Variants in P4HA2 observed in about 807,000 individuals in gnomAD.
The protein encoded by P4HA2 is prolyl 4-hydroxylase subunit alpha 2.
P4HA2 carries 46 observed loss-of-function variants against 76.9 expected under a neutral mutation model. That is an observed-to-expected ratio of 0.60 (90% CI 0.47 to 0.76). P4HA2 has a LOEUF of 0.76. Ranked by LOEUF, P4HA2 falls within the 30% of genes least tolerant of loss-of-function variation. The pLI, the probability that P4HA2 is intolerant of heterozygous loss-of-function variation, is 0.00. For missense variants in P4HA2, 583 were observed against 669.4 expected (o/e 0.87, Z 1.42); for synonymous variants, 243 against 254.0 (o/e 0.96, Z 0.41).
chr5:132,220,616 C>A (rs7733814), intron 1 of P4HA2, among the ~76,000 whole-genome samples: 1 of 152,176 alleles, frequency 6.6e-6, no homozygotes, highest in Non-Finnish European at 1.5e-5. Context: ...CTATCATCTA[C>A]GGTTCATACC....
At chr5:132,216,162 CAAAAAAAA>C (rs5871448) in intron 4 of P4HA2, among the ~76,000 whole-genome samples, 9 of 63,168 alleles carry the variant, frequency 1.4e-4, no homozygotes, top group Admixed American at 1.4e-3. Flanking sequence ...GACTCAGTCT[CAAAAAAAA>C]AAAAAAAAAA....
chr5:132,216,452 C>T (rs1753911641), intron 4 of P4HA2, among the ~76,000 whole-genome samples: 1 of 152,044 alleles, frequency 6.6e-6, no homozygotes, highest in Non-Finnish European at 1.5e-5. Flanking sequence ...GAAAAAATCC[C>T]ATATCCAATG....
intron 6 of P4HA2, among the ~76,000 whole-genome samples, chr5:132,209,730 G>C (rs937628141): frequency 3.7e-4 from 53 of 142,224 alleles, no homozygotes; most frequent in African/African-American, 1.4e-3. Flanking sequence ...AGCTGAGATC[G>C]TGCCACTGCT....
intron 1 of P4HA2, among the ~76,000 whole-genome samples, chr5:132,221,516 G>C (rs111234037): frequency 0.025 from 3,747 of 152,226 alleles, 177 homozygotes; most frequent in African/African-American, 0.085. Context: ...ATATCAACAT[G>C]AAGAGATCTA....
Position 132,192,967 on chromosome 5 carries a change from A to C in P4HA2, c.*43T>G. ...ACATACAAAGGTGTCTGTCACGTTG[A>C]CATGGGCTGAAGGACCAGGAAGGGG... On this transcript the variant is annotated 3_prime_UTR_variant, in exon 15 of 15. Transcript: ENST00000360568. 8.0e-7 allele frequency: 1 copy of C among 1,256,910 alleles called. No individual in the cohort carries two copies. Among genetic ancestry groups the C allele is most frequent in the Non-Finnish European group, 1.2e-6 (1 of 853,670 alleles). 77.9% of individuals were successfully genotyped at this position (1,256,910 alleles called of 1,614,324 possible). A position where few individuals can be genotyped will look rare whatever the true frequency, so the allele number is the denominator to read the frequency against.
rs553706125 is a variant in P4HA2 at position 132,223,804 on chromosome 5, A to C, written c.-19+3986T>G. Among the ~76,000 whole-genome samples the C allele has an allele frequency of 3.3e-5, 5 of 150,300 alleles. No individual in the cohort carries two copies. The East Asian group carries it at 7.7e-4, about 23-fold the overall frequency. ...ATGACAAACAGCTGAGGCTGAGAGA[A>C]GGTTTCCTACATATCTGACATCTGA... On this transcript the variant is annotated intron_variant, in intron 1 of 14. Transcript: ENST00000360568.
Position 132,209,167 on chromosome 5 carries a change from T to C in P4HA2, c.874A>G (p.Ser292Gly). 1 of 1,613,920 alleles carries C rather than the reference T, an allele frequency of 6.2e-7. No individual in the cohort carries two copies. The highest frequency in any genetic ancestry group is 1.3e-5 in the African/African-American group (1 of 75,020). ...TTGACACCCTCCCCACGACAGAGGC[T>C]CTCGTAAACATCCCTCTCAGGCAGG... Reference protein sequence around the residue: ...DYLPERDVYESLCRGEGVKLT... With the variant: ...DYLPERDVYEGLCRGEGVKLT... Residue 292 changes from serine (S) to glycine (G), a missense_variant, in exon 7 of 15, where the codon AGC becomes GGC. Transcript: ENST00000360568.
At position 132,217,835 on chromosome 5, in the gene P4HA2, G is replaced by T. The variant is rs144968849; in HGVS notation, c.96C>A (p.Asp32Glu). ...CCAGCTCTTTCTCTGCATAAATCAG[G>T]TCAGTCATGTGCCCTGCAAGGGAGA... is the stretch of plus-strand genomic sequence containing the variant. ...EFFTSIGHMT[D>E]LIYAEKELVQ... Residue 32 changes from aspartate to glutamate, a missense_variant, in exon 3 of 15, where the codon GAC (aspartate) becomes GAA (glutamate). Coordinates refer to ENST00000360568, the MANE Select transcript of P4HA2 (RefSeq NM_001017974.2). 2 of 1,608,748 alleles carry T rather than the reference G, an allele frequency of 1.2e-6. No individual in the cohort carries two copies. The highest frequency in any genetic ancestry group is 8.5e-7 in the Non-Finnish European group (1 of 1,175,404).
At chr5:132,199,797 G>T (rs963995152) in intron 10 of P4HA2, 1 of 152,224 alleles carries the variant, frequency 6.6e-6, no homozygotes, top group African/African-American at 2.4e-5. Flanking sequence ...AACCTCTGGG[G>T]CTAGGCCATA....
At chr5:132,204,231 G>A in intron 8 of P4HA2, 79 bp from the exon 9 acceptor site, 1 of 1,164,430 alleles carries the variant, frequency 8.6e-7, no homozygotes, top group South Asian at 1.2e-5. Flanking sequence ...GAGAGCACTG[G>A]GACCAGATTT....
chr5:132,218,549 A>G lies in P4HA2; in HGVS notation c.78T>C (p.Ser26=), dbSNP rs1278165617. 2 of 1,609,876 alleles carry G rather than the reference A, an allele frequency of 1.2e-6. No individual in the cohort carries two copies. The highest frequency in any genetic ancestry group is 1.7e-6 in the Non-Finnish European group (2 of 1,176,222). ...GACAGTCCTGTTGGCACGTACCAAT[A>G]GAGGTGAAGAATTCGGCCTGCACAC... The part of the protein sequence containing the change: ...LSCVQAEFFT[S]IGHMTDLIYA... The change falls in exon 2 of 15, where the codon TCT becomes TCC. Residue 26 remains serine, a synonymous_variant. Transcript: ENST00000360568.
At chr5:132,221,135 A>G (rs1439161100) in intron 1 of P4HA2, among the ~76,000 whole-genome samples, 1 of 152,206 alleles carries the variant, frequency 6.6e-6, no homozygotes. Context: ...CCCATCTCAT[A>G]ACTATGCCCA....
At chr5:132,202,957 C>A (rs1751720421) in intron 10 of P4HA2, 1 of 152,264 alleles carries the variant, frequency 6.6e-6, no homozygotes, top group East Asian at 1.9e-4. Flanking sequence ...ACCCAGCCAG[C>A]TGCAGGTTTT....
At chr5:132,198,457 C>G in intron 11 of P4HA2, 77 bp from the exon 12 acceptor site, 1 of 1,327,094 alleles carries the variant, frequency 7.5e-7, no homozygotes, top group Non-Finnish European at 1.1e-6. Context: ...CCAAAAGGGT[C>G]AGGGAAAAGT....
chr5:132,203,558 T>C, intron 10 of P4HA2, 190 bp downstream of exon 10: 1 of 590,968 alleles, frequency 1.7e-6, no homozygotes, highest in Non-Finnish European at 3.0e-6. Context: ...AGATATTTGT[T>C]GAACACTAAT....
intron 14 of P4HA2, among the ~76,000 whole-genome samples, chr5:132,194,097 CT>C (rs1750243189): frequency 6.6e-6 from 1 of 152,078 alleles, no homozygotes; most frequent in African/African-American, 2.4e-5. Context: ...TATTCTACCC[CT>C]AAAACACAAA....
chr5:132,201,358 C>G (rs560743655), intron 10 of P4HA2: 14 of 152,292 alleles, frequency 9.2e-5, no homozygotes, highest in Non-Finnish European at 1.8e-4. Flanking sequence ...TGAGCTACAG[C>G]TGAAAGAATG....
rs561939207 is a variant in P4HA2, at chr5:132,223,969, G to A, written c.-19+3821C>T. Among the ~76,000 whole-genome samples, 4 of 152,334 alleles carry A rather than the reference G, an allele frequency of 2.6e-5. No individual in the cohort carries two copies. In the South Asian group the frequency reaches 6.2e-4, roughly 24 times the overall value. ...AGGGAAGCCACACTTTGCCCAGGAA[G>A]AACATGCCTGCCCAGGTTAAGGACT... On this transcript the variant is annotated intron_variant, in intron 1 of 14. Transcript: ENST00000360568.
In P4HA2 at chr5:132,194,948, A is replaced by G. The variant is rs1353880393; in HGVS notation, c.1509T>C (p.Pro503=). The G allele has an allele frequency of 5.0e-6, 8 of 1,612,266 alleles. No homozygotes were observed. The highest frequency in any genetic ancestry group is 6.8e-6 in the Non-Finnish European group (8 of 1,178,392). Residue 503 remains proline (P), a synonymous_variant, in exon 14 of 15, where the codon CCT becomes CCC. Coordinates refer to ENST00000360568, the MANE Select transcript of P4HA2 (RefSeq NM_001017974.2). ...GDYRTRHAAC[P]VLVGCKWVSN... Reference sequence around the variant, plus strand: ...CACCCCACTTGCAGCCCACAAGCACAGGGCAGGCAGCATGTCTTGTTCGGT... The same window carrying G: ...CACCCCACTTGCAGCCCACAAGCACGGGGCAGGCAGCATGTCTTGTTCGGT...
Sources: allele counts gnomAD v4.1 joint callset (sites outside exome capture counted in the v4.1 genomes callset), GRCh38; gene constraint gnomAD v4.1.1; transcripts MANE v1.5; gene names NCBI Gene and HGNC (gene_info 2026-07-23, HGNC 2026-07-21).